OPCML: variants seen among roughly 807,000 people sequenced by gnomAD.
OPCML encodes opioid-binding protein/cell adhesion molecule.
OPCML carries 13 observed loss-of-function variants against 37.8 expected under a neutral mutation model. That is an observed-to-expected ratio of 0.34 (90% CI 0.22 to 0.55). The LOEUF is 0.55. Among genes scored for constraint, OPCML ranks in the 20% least tolerant of loss-of-function variants. OPCML has a pLI of 0.91. For synonymous variants in OPCML, 176 were observed against 168.8 expected, an observed-to-expected ratio of 1.04 and a Z score of -0.33; for missense variants, 341 against 435.6, an observed-to-expected ratio of 0.78 and a Z score of 1.93.
intron 1 of OPCML, among the ~76,000 whole-genome samples, chr11:133,402,502 T>C (rs989229850): frequency 6.6e-6 from 1 of 152,206 alleles, no homozygotes; most frequent in Non-Finnish European, 1.5e-5. Context: ...CTGTACCATA[T>C]AGATGATCAG....
chr11:133,164,642 A>G (rs1367241290), intron 1 of OPCML, among the ~76,000 whole-genome samples: 1 of 152,228 alleles, frequency 6.6e-6, no homozygotes, highest in African/African-American at 2.4e-5. Flanking sequence ...CACAGAGCCC[A>G]GGAGCTGGTA....
At chr11:132,883,288 G>A (rs1943284809) in intron 2 of OPCML, among the ~76,000 whole-genome samples, 1 of 151,966 alleles carries the variant, frequency 6.6e-6, no homozygotes, top group East Asian at 1.9e-4. Flanking sequence ...AAAAAAAGGG[G>A]GCTGAAACAA....
intron 4 of OPCML, 22 bp downstream of exon 4, chr11:132,529,039 G>A (rs770752564): frequency 1.3e-5 from 20 of 1,506,390 alleles, no homozygotes; most frequent in Admixed American, 6.9e-5. Flanking sequence ...CTCTGAAAAC[G>A]TCCTCCAGGT....
At chr11:133,228,784 C>A (rs2136381241) in intron 1 of OPCML, among the ~76,000 whole-genome samples, 1 of 152,368 alleles carries the variant, frequency 6.6e-6, no homozygotes, top group African/African-American at 2.4e-5. Context: ...CACGCGGAGG[C>A]TGTTTAAACC....
intron 3 of OPCML, among the ~76,000 whole-genome samples, chr11:132,540,154 G>C (rs935129058): frequency 2.0e-5 from 3 of 152,180 alleles, no homozygotes; most frequent in Non-Finnish European, 4.4e-5. Context: ...TGAGCTGAAA[G>C]AGAGAGATTT....
intron 3 of OPCML, among the ~76,000 whole-genome samples, chr11:132,592,922 G>A (rs951059914): frequency 6.6e-6 from 1 of 152,158 alleles, no homozygotes; most frequent in Admixed American, 6.5e-5. Flanking sequence ...GGTGTCAGGC[G>A]TACAGCAATA....
intron 3 of OPCML, among the ~76,000 whole-genome samples, chr11:132,615,754 C>G (rs899860866): frequency 6.6e-6 from 1 of 151,936 alleles, no homozygotes; most frequent in South Asian, 2.1e-4. Flanking sequence ...GTAATACATG[C>G]GAACTACTTA....
chr11:132,684,074 C>A (rs566402293), intron 2 of OPCML, among the ~76,000 whole-genome samples: 5 of 152,174 alleles, frequency 3.3e-5, no homozygotes, highest in African/African-American at 1.2e-4. Flanking sequence ...TAAAAAATCC[C>A]TTTTGCAAAT....
At chr11:132,944,526 A>G (rs914576423) in intron 1 of OPCML, among the ~76,000 whole-genome samples, 25 of 151,928 alleles carry the variant, frequency 1.6e-4, no homozygotes, top group African/African-American at 5.8e-4. Context: ...GCAAATCTCA[A>G]TTTCTCCTTA....
intron 2 of OPCML, among the ~76,000 whole-genome samples, chr11:132,681,020 A>C (rs1407315220): frequency 6.6e-6 from 1 of 152,204 alleles, no homozygotes. Context: ...TCCAGCCAAG[A>C]ATGGCTGGCA....
intron 2 of OPCML, among the ~76,000 whole-genome samples, chr11:132,941,626 A>C (rs1945581000): frequency 6.6e-6 from 1 of 152,196 alleles, no homozygotes; most frequent in East Asian, 1.9e-4. Context: ...TGGTACCCAC[A>C]TGGCCAGGAG....
Position 133,532,338 on chromosome 11 carries a change from T to C in OPCML, c.-14A>G. 1 of 1,612,132 alleles carries C rather than the reference T, an allele frequency of 6.2e-7. No individual in the cohort carries two copies. Among genetic ancestry groups the C allele is most frequent in the African/African-American group, 1.3e-5 (1 of 74,972 alleles). ...AGGATGGTACATCTCGACGCTGCGG[T>C]GCTCTCAGCTGCCGGGCTTGCTACT... On this transcript the variant is annotated 5_prime_UTR_variant, in exon 1 of 8. Coordinates refer to ENST00000524381, the MANE Select transcript of OPCML (RefSeq NM_001012393.5).
At chr11:133,175,879 T>TA (rs1426464099) in intron 1 of OPCML, among the ~76,000 whole-genome samples, 2 of 151,610 alleles carry the variant, frequency 1.3e-5, no homozygotes, top group South Asian at 2.1e-4. Flanking sequence ...CTTTATTCCA[T>TA]AAAAAAAAGT....
At chr11:133,365,195 G>T (rs1944512722) in intron 1 of OPCML, 1 of 152,196 alleles carries the variant, frequency 6.6e-6, no homozygotes, top group Non-Finnish European at 1.5e-5. Flanking sequence ...ACCACACTGA[G>T]TCACACCAGG....
At position 132,924,105 on chromosome 11, in the gene OPCML, C is replaced by T. The variant is rs192351832; in HGVS notation, c.146+18821G>A. On this transcript the variant is annotated intron_variant, in intron 2 of 7. Transcript: ENST00000524381. ...CTTGTTCCTGCCCTCAAGAAACTAA[C>T]ATCAACTGAGGAAAAAAAACTATGT... Among the ~76,000 whole-genome samples, 488 of 148,056 alleles carry T rather than the reference C, an allele frequency of 3.3e-3. 3 individuals carry two copies. The highest frequency in any genetic ancestry group is 4.1e-3 in the Non-Finnish European group (273 of 67,224).
intron 2 of OPCML, among the ~76,000 whole-genome samples, chr11:132,942,450 AGGCCGTG>A (rs1945610238): frequency 6.6e-6 from 1 of 152,200 alleles, no homozygotes; most frequent in African/African-American, 2.4e-5. Flanking sequence ...GACTCATAAC[AGGCCGTG>A]GGCTGACACT....
At chr11:132,948,786 A>G (rs1368682529) in intron 1 of OPCML, among the ~76,000 whole-genome samples, 11 of 152,204 alleles carry the variant, frequency 7.2e-5, no homozygotes, top group Non-Finnish European at 7.3e-5. Context: ...TATGTAGCCA[A>G]ACTCCCATTT....
intron 1 of OPCML, among the ~76,000 whole-genome samples, chr11:133,406,402 A>G (rs923050913): frequency 6.6e-6 from 1 of 152,160 alleles, no homozygotes; most frequent in Non-Finnish European, 1.5e-5. Context: ...CAGAGACCAG[A>G]AAAGATAGAG....
chr11:133,267,956 C>T (rs1238034020), intron 1 of OPCML, among the ~76,000 whole-genome samples: 4 of 152,164 alleles, frequency 2.6e-5, no homozygotes, highest in Non-Finnish European at 2.9e-5. Flanking sequence ...TATCCAGTCT[C>T]GGGTATGTCT....
Sources: gnomAD v4.1 joint callset for allele counts (sites outside exome capture counted in the v4.1 genomes callset) on GRCh38, gnomAD v4.1.1 for gene constraint, MANE v1.5 for transcripts, NCBI Gene and HGNC (gene_info 2026-07-23, HGNC 2026-07-21) for gene names.